Variants in NFKB1 observed in about 807,000 individuals in gnomAD.
The protein encoded by NFKB1 is nuclear factor kappa B subunit 1.
A neutral mutation model predicts 105.1 loss-of-function variants in NFKB1; 9 were observed. The observed-to-expected ratio is 0.09, with a 90% CI of 0.05 to 0.15. The LOEUF is 0.15. Ranked by LOEUF, NFKB1 falls within the 10% of genes least tolerant of loss-of-function variation. The pLI is 1.00. For missense variants in NFKB1, 830 were observed against 1,203.7 expected, an observed-to-expected ratio of 0.69 and a Z score of 4.59; for synonymous variants, 440 against 442.2, an observed-to-expected ratio of 1.00 and a Z score of 0.06.
chr4:102,555,503 T>C (rs936118265), intron 5 of NFKB1, among the ~76,000 whole-genome samples: 1 of 152,184 alleles, frequency 6.6e-6, no homozygotes, highest in Non-Finnish European at 1.5e-5. Flanking sequence ...CATGTGGGAA[T>C]TGTTGAACAA....
chr4:102,612,854 G>A (rs1446372387), intron 22 of NFKB1, among the ~76,000 whole-genome samples: 1 of 152,064 alleles, frequency 6.6e-6, no homozygotes, highest in Non-Finnish European at 1.5e-5. Context: ...CTACGTAGAG[G>A]GTCAGGATTT....
chr4:102,616,474 G>C lies in NFKB1; in HGVS notation c.2790G>C (p.Val930=). Residue 930 remains valine, a synonymous_variant, in exon 24 of 24, where the codon GTG becomes GTC. Coordinates refer to ENST00000226574, the MANE Select transcript of NFKB1 (RefSeq NM_003998.4). ...GTGACAGTGTCTGCGACAGCGGCGT[G>C]GAGACATCCTTCCGCAAACTCAGCT... is the stretch of plus-strand genomic sequence containing the variant. The part of the protein sequence containing the change: ...RDSDSVCDSG[V]ETSFRKLSFT... The C allele has an allele frequency of 6.2e-7, 1 of 1,614,052 alleles. No individual in the cohort carries two copies. Among genetic ancestry groups the C allele is most frequent in the Non-Finnish European group, 8.5e-7 (1 of 1,179,996 alleles).
In NFKB1 at chr4:102,606,691, G is replaced by T; in HGVS notation, c.1948G>T (p.Gly650Trp). ...AGCACTACTTCTTGACCACCCCAAC[G>T]GGGACGGTAAGAGACAATCACACAT... Reference protein sequence around the residue: ...KAALLLDHPNGDGLNAIHLAM... With the variant: ...KAALLLDHPNWDGLNAIHLAM... The change falls in exon 17 of 24, where the codon GGG becomes TGG. Residue 650 changes from glycine to tryptophan, a missense_variant. By Grantham distance (184) the Gly-to-Trp change is radical (BLOSUM62 -2). Coordinates refer to ENST00000226574, the MANE Select transcript of NFKB1 (RefSeq NM_003998.4). The T allele has an allele frequency of 6.2e-7, 1 of 1,613,644 alleles. No homozygotes were observed. The highest frequency in any genetic ancestry group is 1.1e-5 in the South Asian group (1 of 91,030).
At chr4:102,578,502 T>G in intron 7 of NFKB1, 2 of 232,862 alleles carry the variant, frequency 8.6e-6, no homozygotes, top group African/African-American at 2.2e-5. Context: ...GCTCTTGGAA[T>G]AATTTGCACA....
chr4:102,595,144 T>A (rs1484909560), intron 13 of NFKB1, among the ~76,000 whole-genome samples, 163 bp downstream of exon 13: 1 of 152,254 alleles, frequency 6.6e-6, no homozygotes, highest in African/African-American at 2.4e-5. Context: ...TATTATTTCC[T>A]GTGGCTAGTA....
chr4:102,527,395 G>C (rs898727896), intron 2 of NFKB1, among the ~76,000 whole-genome samples: 6 of 152,134 alleles, frequency 3.9e-5, no homozygotes, highest in Admixed American at 2.0e-4. Flanking sequence ...TAGGTGCCAG[G>C]ATAGCCTGGT....
intron 15 of NFKB1, among the ~76,000 whole-genome samples, chr4:102,600,131 A>G (rs907420866): frequency 6.6e-6 from 1 of 152,206 alleles, no homozygotes; most frequent in African/African-American, 2.4e-5. Flanking sequence ...AGTAAATTTG[A>G]GAGGGACAAC....
chr4:102,567,091 T>G lies in NFKB1; in HGVS notation c.363T>G (p.Asp121Glu). ...GCCTGGTGGGAAAACACTGTGAGGATGGGATCTGCACTGTAACTGCTGGAC... is the reference window on the plus strand; with the variant it reads ...GCCTGGTGGGAAAACACTGTGAGGAGGGGATCTGCACTGTAACTGCTGGAC... ...AHSLVGKHCE[D>E]GICTVTAGPK... Residue 121 changes from aspartate (D) to glutamate (E), a missense_variant, in exon 6 of 24, where the codon GAT becomes GAG. Asp to Glu is a conservative substitution (Grantham distance 45). This residue lies in a region of NFKB1 where 64 missense variants were observed against 79.9 expected (regional missense o/e 0.80). Coordinates refer to ENST00000226574, the MANE Select transcript of NFKB1 (RefSeq NM_003998.4). The G allele has an allele frequency of 6.2e-7, 1 of 1,613,998 alleles. No individual in the cohort carries two copies. Among genetic ancestry groups the G allele is most frequent in the South Asian group, 1.1e-5 (1 of 91,084 alleles).
chr4:102,534,635 A>G (rs977756124), intron 4 of NFKB1, among the ~76,000 whole-genome samples: 15 of 152,308 alleles, frequency 9.8e-5, no homozygotes, highest in African/African-American at 3.6e-4. Flanking sequence ...TTATTAGGGA[A>G]TGGAAATAAT....
intron 15 of NFKB1, 38 bp from the exon 16 acceptor site, chr4:102,600,857 C>A: frequency 8.6e-7 from 1 of 1,162,028 alleles, no homozygotes; most frequent in Non-Finnish European, 1.3e-6. Flanking sequence ...TTTTCATTAA[C>A]ATTTTAGTTA....
At chr4:102,584,642 TGTA>T in intron 10 of NFKB1, 37 bp from the exon 11 acceptor site, 9 of 1,490,970 alleles carry the variant, frequency 6.0e-6, no homozygotes, top group Non-Finnish European at 8.0e-6. Context: ...AAAAAAAAAA[TGTA>T]GTCCTACACC....
chr4:102,548,946 AG>A (rs1392020536), intron 5 of NFKB1, among the ~76,000 whole-genome samples: 1 of 152,102 alleles, frequency 6.6e-6, no homozygotes, highest in Non-Finnish European at 1.5e-5. Flanking sequence ...CAATATTCTG[AG>A]GCTCTGGGTA....
At chr4:102,579,919 A>G (rs573361857) in intron 8 of NFKB1, among the ~76,000 whole-genome samples, 11 of 152,120 alleles carry the variant, frequency 7.2e-5, no homozygotes, top group Non-Finnish European at 1.2e-4. Context: ...GTGAAAGGTT[A>G]TAAAATGATA....
chr4:102,513,911 C>T (rs1739941566), intron 1 of NFKB1, among the ~76,000 whole-genome samples: 1 of 151,968 alleles, frequency 6.6e-6, no homozygotes, highest in Non-Finnish European at 1.5e-5. Context: ...CGGTGGCTCA[C>T]GGCTGTAATC....
intron 5 of NFKB1, among the ~76,000 whole-genome samples, chr4:102,543,115 TC>T (rs1232231589): frequency 6.6e-6 from 1 of 152,132 alleles, no homozygotes; most frequent in Non-Finnish European, 1.5e-5. Context: ...TGCTTTTGAC[TC>T]AGCAAGGAGT....
In NFKB1 at chr4:102,543,525, T is replaced by G. The variant is rs114872589; in HGVS notation, c.258+5569T>G. Among the ~76,000 whole-genome samples the G allele has an allele frequency of 8.9e-3, 1,350 of 152,006 alleles. 14 individuals are homozygous for G. The highest frequency in any genetic ancestry group is 0.03 in the African/African-American group (1,245 of 41,410). On this transcript the variant is annotated intron_variant, in intron 5 of 23. Coordinates refer to ENST00000226574, the MANE Select transcript of NFKB1 (RefSeq NM_003998.4). ...TCTCACATATGTTGTCTTTCCTGAG[T>G]GTTTTATGTTGAGTGGAAGACGTGT...
At chr4:102,503,325 G>C (rs1739208674) in intron 1 of NFKB1, 1 of 151,718 alleles carries the variant, frequency 6.6e-6, no homozygotes. Flanking sequence ...ATTCCTAAAT[G>C]CCCTCCCCTG....
intron 5 of NFKB1, 120 bp from the exon 6 acceptor site, chr4:102,566,867 T>TATATGTAATTC: frequency 1.1e-6 from 1 of 941,712 alleles, no homozygotes; most frequent in East Asian, 2.7e-5. Flanking sequence ...TGTAATCATG[T>TATATGTAATTC]ATATACATAT....
chr4:102,504,787 A>C (rs1307690805), intron 1 of NFKB1, among the ~76,000 whole-genome samples: 2 of 152,206 alleles, frequency 1.3e-5, no homozygotes, highest in Non-Finnish European at 2.9e-5. Context: ...GGAGACAGAC[A>C]GTTTGGAAGA....
Sources: gnomAD v4.1 joint callset for allele counts (sites outside exome capture counted in the v4.1 genomes callset) on GRCh38, gnomAD v4.1.1 for gene constraint, gnomAD v4.1.1 regional missense constraint, MANE v1.5 for transcripts, NCBI Gene and HGNC (gene_info 2026-07-23, HGNC 2026-07-21) for gene names.